The following ANO10 variants were observed in gnomAD, a reference collection of about 807,000 sequenced individuals.
ANO10 encodes the protein anoctamin 10.
ANO10 carries 77 observed loss-of-function variants against 74.7 expected under a neutral mutation model. The observed-to-expected ratio is 1.03, with a 90% CI of 0.86 to 1.25. ANO10 has a LOEUF of 1.25. Among genes scored for constraint, ANO10 ranks in the 50% most tolerant of loss-of-function variants. ANO10 has a pLI of 0.00. For missense variants in ANO10, 721 were observed against 778.1 expected, an observed-to-expected ratio of 0.93 and a Z score of 0.87; for synonymous variants, 279 against 284.9, an observed-to-expected ratio of 0.98 and a Z score of 0.21.
chr3:43,566,533 C>T (rs2080356789), intron 7 of ANO10, among the ~76,000 whole-genome samples: 3 of 152,298 alleles, frequency 2.0e-5, no homozygotes, highest in South Asian at 2.1e-4. Context: ...TGACCCCTGA[C>T]CCCCGAGCAG....
chr3:43,378,724 G>A (rs570723777), intron 12 of ANO10, among the ~76,000 whole-genome samples: 219 of 152,206 alleles, frequency 1.4e-3, no homozygotes, highest in African/African-American at 3.4e-3. Context: ...GGGTGATGAC[G>A]GCTGTGAGTC....
intron 1 of ANO10, among the ~76,000 whole-genome samples, chr3:43,672,314 AGGAGTTCTAGACCAGCCTG>A (rs1412753406): frequency 6.6e-6 from 1 of 152,114 alleles, no homozygotes; most frequent in East Asian, 1.9e-4. Flanking sequence ...ACTTGAGCCC[AGGAGTTCTAGACCAGCCTG>A]GGCAACATAG....
intron 11 of ANO10, among the ~76,000 whole-genome samples, chr3:43,508,597 T>C (rs1171728874): frequency 3.3e-5 from 5 of 152,150 alleles, no homozygotes; most frequent in African/African-American, 9.7e-5. Context: ...ATATACACCA[T>C]GGAATACTAT....
chr3:43,508,303 C>A (rs1358746465), intron 11 of ANO10, among the ~76,000 whole-genome samples: 1 of 152,064 alleles, frequency 6.6e-6, no homozygotes, highest in Non-Finnish European at 1.5e-5. Context: ...ACCTAGGATA[C>A]AGAAATATTT....
chr3:43,403,200 C>T (rs886832797), intron 12 of ANO10, among the ~76,000 whole-genome samples: 1 of 152,212 alleles, frequency 6.6e-6, no homozygotes, highest in African/African-American at 2.4e-5. Flanking sequence ...CCAAACTATG[C>T]CCAGAGGCAC....
At chr3:43,393,883 G>A (rs186684570) in intron 12 of ANO10, among the ~76,000 whole-genome samples, 2 of 151,890 alleles carry the variant, frequency 1.3e-5, no homozygotes, top group Admixed American at 6.6e-5. Flanking sequence ...CCAGATCTTG[G>A]CCTTTTCCAG....
At chr3:43,401,407 CG>C (rs147932924) in intron 12 of ANO10, among the ~76,000 whole-genome samples, 3 of 151,868 alleles carry the variant, frequency 2.0e-5, no homozygotes, top group Non-Finnish European at 2.9e-5. Context: ...TTTTAAAAGG[CG>C]GGGGGGAAAC....
intron 11 of ANO10, among the ~76,000 whole-genome samples, chr3:43,462,902 A>G (rs965433989): frequency 6.6e-6 from 1 of 152,240 alleles, no homozygotes; most frequent in African/African-American, 2.4e-5. Context: ...AGAGGGTGCA[A>G]GCCCCAAGCC....
chr3:43,498,912 C>CATATATG (rs1284409200), intron 11 of ANO10, among the ~76,000 whole-genome samples: 1 of 152,176 alleles, frequency 6.6e-6, no homozygotes, highest in East Asian at 1.9e-4. Context: ...TATGATCGTT[C>CATATATG]ATTGTCAAAT....
chr3:43,432,170 C>T (rs2092993003), intron 12 of ANO10, among the ~76,000 whole-genome samples: 1 of 149,240 alleles, frequency 6.7e-6, no homozygotes, highest in African/African-American at 2.5e-5. Context: ...CACTGAGGCA[C>T]AGTTTCTCCT....
At chr3:43,642,399 C>T (rs1447258451) in intron 1 of ANO10, among the ~76,000 whole-genome samples, 1 of 152,038 alleles carries the variant, frequency 6.6e-6, no homozygotes, top group Non-Finnish European at 1.5e-5. Flanking sequence ...TTTAAGATTT[C>T]CTTCTATTCA....
At chr3:43,415,613 C>G (rs1207351846) in intron 12 of ANO10, among the ~76,000 whole-genome samples, 2 of 151,860 alleles carry the variant, frequency 1.3e-5, no homozygotes, top group African/African-American at 4.8e-5. Flanking sequence ...ATGATCTAGG[C>G]TCACTGCAAC....
intron 1 of ANO10, among the ~76,000 whole-genome samples, chr3:43,642,363 TATAA>T (rs2083679180): frequency 6.6e-6 from 1 of 152,188 alleles, no homozygotes; most frequent in Non-Finnish European, 1.5e-5. Context: ...TATAATACTA[TATAA>T]ATAATAAATT....
chr3:43,557,734 CA>C lies in ANO10; in HGVS notation c.1477-2266del, dbSNP rs893586520. Among the ~76,000 whole-genome samples, 414 of 43,330 alleles carry C rather than the reference CA, an allele frequency of 9.6e-3. 1 individual carries two copies. The highest frequency in any genetic ancestry group is 0.02 in the African/African-American group (237 of 11,702). 28.4% of individuals were successfully genotyped at this position (43,330 alleles called of 152,430 possible). ...TGGGCAACAGAGCGAGACTCTGTCTCAAAAAAAAAAAAAAAAAAAAAAGACG... is the reference window on the plus strand; with the variant it reads ...TGGGCAACAGAGCGAGACTCTGTCTCAAAAAAAAAAAAAAAAAAAAAGACG... On this transcript the variant is annotated intron_variant, in intron 9 of 12. Transcript: ENST00000292246.
At chr3:43,522,331 A>AT (rs753492928) in intron 11 of ANO10, among the ~76,000 whole-genome samples, 1 of 152,160 alleles carries the variant, frequency 6.6e-6, no homozygotes, top group Non-Finnish European at 1.5e-5. Flanking sequence ...AAAAAAATAC[A>AT]TTAAAAAAAA....
At chr3:43,480,629 A>T (rs942118713) in intron 11 of ANO10, among the ~76,000 whole-genome samples, 25 of 152,180 alleles carry the variant, frequency 1.6e-4, no homozygotes, top group African/African-American at 5.8e-4. Flanking sequence ...GGGTTACAAG[A>T]AAGGGGTGGT....
At chr3:43,683,107 AG>A (rs1295399480) in intron 1 of ANO10, among the ~76,000 whole-genome samples, 7 of 152,204 alleles carry the variant, frequency 4.6e-5, no homozygotes, top group Admixed American at 2.6e-4. Flanking sequence ...AAGGAAATAA[AG>A]GGTATTCAAT....
At chr3:43,464,939 G>A (rs1248324218) in intron 11 of ANO10, among the ~76,000 whole-genome samples, 1 of 151,988 alleles carries the variant, frequency 6.6e-6, no homozygotes, top group African/African-American at 2.4e-5. Context: ...TTAAAATCAG[G>A]AACAAAACAA....
chr3:43,613,390 T>C (rs2082927675), intron 1 of ANO10, among the ~76,000 whole-genome samples: 2 of 152,208 alleles, frequency 1.3e-5, no homozygotes, highest in Middle Eastern at 3.4e-3. Context: ...AAAGGAACAA[T>C]GTGTAAAATC....
Sources: allele counts gnomAD v4.1 joint callset (sites outside exome capture counted in the v4.1 genomes callset), GRCh38; gene constraint gnomAD v4.1.1; transcripts MANE v1.5; gene names NCBI Gene and HGNC (gene_info 2026-07-23, HGNC 2026-07-21).